Variants in MYOC observed in about 807,000 individuals in gnomAD.
The protein encoded by MYOC is myocilin.
MYOC carries 29 observed loss-of-function variants against 28.2 expected under a neutral mutation model. The observed-to-expected ratio is 1.03, with a 90% CI of 0.77 to 1.40. The LOEUF is 1.40. Ranked by LOEUF, MYOC falls within the 40% of genes most tolerant of loss-of-function variation. The pLI, the probability that MYOC is intolerant of heterozygous loss-of-function variation, is 0.00. For missense variants in MYOC, 569 were observed against 620.6 expected (o/e 0.92, Z 0.88); for synonymous variants, 240 against 245.6 (o/e 0.98, Z 0.21).
intron 1 of MYOC, among the ~76,000 whole-genome samples, chr1:171,641,122 G>C (rs552670111): frequency 1.7e-4 from 26 of 152,132 alleles, no homozygotes; most frequent in Non-Finnish European, 3.1e-4. Flanking sequence ...GATGATAATC[G>C]GGGAGGCTGT....
chr1:171,636,247 T>C lies in MYOC; in HGVS notation c.1193A>G (p.Lys398Arg), dbSNP rs56314834. Residue 398 changes from lysine to arginine, a missense_variant, in exon 3 of 3, where the codon AAA (lysine) becomes AGA (arginine). By Grantham distance (26) the Lys-to-Arg change is conservative. Coordinates refer to ENST00000037502, the MANE Select transcript of MYOC (RefSeq NM_000261.2). ...LWVIYSTDEA[K>R]GAIVLSKLNP... Reference sequence around the variant, plus strand: ...CAGTTTGGAGAGGACAATGGCACCTTTGGCCTCATCGGTGCTGTAAATGAC... The same window carrying C: ...CAGTTTGGAGAGGACAATGGCACCTCTGGCCTCATCGGTGCTGTAAATGAC... 5.9e-3 allele frequency: 9,456 copies of C among 1,614,158 alleles called. 38 individuals are homozygous for C. The highest frequency in any genetic ancestry group is 7.4e-3 in the Non-Finnish European group (8,732 of 1,180,024).
chr1:171,644,981 T>C (rs1653166546), intron 1 of MYOC, among the ~76,000 whole-genome samples: 1 of 152,176 alleles, frequency 6.6e-6, no homozygotes, highest in Non-Finnish European at 1.5e-5. Flanking sequence ...TTCCATCCTG[T>C]GCTGAGGAGG....
intron 1 of MYOC, among the ~76,000 whole-genome samples, chr1:171,651,335 A>T (rs235916): frequency 6.9e-6 from 1 of 145,972 alleles, no homozygotes; most frequent in African/African-American, 2.5e-5. Context: ...CCAACACCTC[A>T]CCCCCGCACC....
At chr1:171,644,649 T>C (rs1252419475) in intron 1 of MYOC, among the ~76,000 whole-genome samples, 1 of 151,416 alleles carries the variant, frequency 6.6e-6, no homozygotes, top group Admixed American at 6.6e-5. Context: ...TTTCAAGTAA[T>C]TTTTATGTAA....
chr1:171,637,452 G>A (rs1652953657), intron 2 of MYOC, among the ~76,000 whole-genome samples: 1 of 151,874 alleles, frequency 6.6e-6, no homozygotes, highest in Admixed American at 6.6e-5. Context: ...CTGCAGCCTC[G>A]ACCTTCCAGG....
intron 1 of MYOC, among the ~76,000 whole-genome samples, chr1:171,640,141 T>C (rs1572212472): frequency 1.3e-5 from 2 of 152,058 alleles, no homozygotes; most frequent in East Asian, 3.9e-4. Context: ...CCTTGTTATA[T>C]GCAAATATTC....
In MYOC at chr1:171,636,387, G is replaced by A. The variant is rs202003673; in HGVS notation, c.1053C>T (p.Thr351=). The change falls in exon 3 of 3, where the codon ACC becomes ACT. Residue 351 remains threonine, a synonymous_variant. Coordinates refer to ENST00000037502, the MANE Select transcript of MYOC (RefSeq NM_000261.2). ...SRTVIRYELN[T]ETVKAEKEIP... is the part of the protein sequence containing the mutation. The stretch of plus-strand genomic sequence containing the variant: ...TTTCCTTCTCAGCCTTCACTGTCTC[G>A]GTATTCAGCTCATATCTTATGACAG... 1.6e-4 allele frequency: 259 copies of A among 1,613,954 alleles called. 1 individual carries two copies. The highest frequency in any genetic ancestry group is 9.9e-4 in the Middle Eastern group (6 of 6,062).
chr1:171,652,157 A>G lies in MYOC; in HGVS notation c.455T>C (p.Leu152Pro), dbSNP rs199705804. Residue 152 changes from leucine (L) to proline (P), a missense_variant, in exon 1 of 3, where the codon CTG becomes CCG. Coordinates refer to ENST00000037502, the MANE Select transcript of MYOC (RefSeq NM_000261.2). ...CCTTAGTCGCTTCTTCTCTTCCTCC[A>G]GAACTGACTTGTCTCGGAGGAGGTT... The part of the protein sequence containing the change: ...YSNLLRDKSV[L>P]EEEKKRLRQE... The G allele has an allele frequency of 5.3e-5, 86 of 1,613,382 alleles. No homozygotes were observed. The highest frequency in any genetic ancestry group is 7.2e-5 in the Non-Finnish European group (85 of 1,179,830).
chr1:171,640,335 T>C (rs1445967758), intron 1 of MYOC, among the ~76,000 whole-genome samples: 1 of 152,074 alleles, frequency 6.6e-6, no homozygotes, highest in Non-Finnish European at 1.5e-5. Flanking sequence ...CAGTAAGTGA[T>C]CATGGTGTGC....
In MYOC at chr1:171,652,090, G is replaced by T; in HGVS notation, c.522C>A (p.Ser174Arg). The change falls in exon 1 of 3, where the codon AGC (serine) becomes AGA (arginine). Residue 174 changes from serine to arginine, a missense_variant. Transcript: ENST00000037502. ...ENLARRLESS[S>R]QEVARLRRGQ... ...CCCTTCTCAGCCTTGCTACCTCCTG[G>T]CTGCTGCTTTCCAACCTCCTGGCCA... 1 of 1,614,122 alleles carries T rather than the reference G, an allele frequency of 6.2e-7. No homozygotes were observed. Among genetic ancestry groups the T allele is most frequent in the Non-Finnish European group, 8.5e-7 (1 of 1,180,024 alleles).
intron 1 of MYOC, among the ~76,000 whole-genome samples, chr1:171,639,261 G>A (rs1252463067): frequency 6.6e-6 from 1 of 152,174 alleles, no homozygotes; most frequent in Non-Finnish European, 1.5e-5. Flanking sequence ...GGAGTTCATT[G>A]TAGTCTCTCT....
At chr1:171,638,417 C>T (rs1652977550) in intron 2 of MYOC, among the ~76,000 whole-genome samples, 180 bp downstream of exon 2, 1 of 152,188 alleles carries the variant, frequency 6.6e-6, no homozygotes, top group African/African-American at 2.4e-5. Flanking sequence ...CAGACCTGCT[C>T]TGACAAGGGA....
chr1:171,639,663 A>AAAAAAAC (rs1397421632), intron 1 of MYOC, among the ~76,000 whole-genome samples: 1 of 150,858 alleles, frequency 6.6e-6, no homozygotes, highest in Non-Finnish European at 1.5e-5. Context: ...AAAAAAAAAA[A>AAAAAAAC]AAAAGAGACC....
At position 171,636,311 on chromosome 1, in the gene MYOC, T is replaced by C. The variant is rs1349583775; in HGVS notation, c.1129A>G (p.Thr377Ala). 6 of 1,613,928 alleles carry C rather than the reference T, an allele frequency of 3.7e-6. No homozygotes were observed. In the Admixed American group the frequency reaches 6.7e-5, roughly 18 times the overall value. ...TCATCCACAGCCAAGTCAATGTCCGTGTAGCCACCCCAAGAATACGGGAAC... is the reference window on the plus strand; with the variant it reads ...TCATCCACAGCCAAGTCAATGTCCGCGTAGCCACCCCAAGAATACGGGAAC... ...GQFPYSWGGY[T>A]DIDLAVDEAG... Residue 377 changes from threonine (T) to alanine (A), a missense_variant, in exon 3 of 3, where the codon ACG (threonine) becomes GCG (alanine). Thr to Ala is a moderately conservative substitution (Grantham distance 58). Transcript: ENST00000037502.
intron 1 of MYOC, among the ~76,000 whole-genome samples, chr1:171,651,349 C>G (rs112934803): frequency 2.1e-4 from 31 of 149,006 alleles, no homozygotes; most frequent in Non-Finnish European, 3.6e-4. Context: ...CCGCACCCCC[C>G]CCACACACAC....
intron 1 of MYOC, among the ~76,000 whole-genome samples, chr1:171,651,530 T>C (rs1653352758): frequency 6.6e-6 from 1 of 152,194 alleles, no homozygotes; most frequent in African/African-American, 2.4e-5. Context: ...TGCCATCTCT[T>C]TATTTTGCCA....
intron 1 of MYOC, among the ~76,000 whole-genome samples, chr1:171,650,299 C>T (rs1419446654): frequency 6.6e-6 from 1 of 152,106 alleles, no homozygotes; most frequent in Admixed American, 6.5e-5. Context: ...TGCCTCATCA[C>T]ACTTCTGGTA....
chr1:171,637,599 T>C (rs7545646), intron 2 of MYOC, among the ~76,000 whole-genome samples: 18,863 of 151,680 alleles, frequency 0.12, 1,252 homozygotes, highest in Middle Eastern at 0.28. Context: ...GTTACCAGAA[T>C]CACAACAGAT....
intron 2 of MYOC, among the ~76,000 whole-genome samples, chr1:171,637,849 G>GT (rs545488945): frequency 2.0e-3 from 298 of 152,228 alleles, no homozygotes; most frequent in Middle Eastern, 6.8e-3. Context: ...CTGACCTCAA[G>GT]TGATCCGCCC....
Sources: gnomAD v4.1 joint callset for allele counts (sites outside exome capture counted in the v4.1 genomes callset) on GRCh38, gnomAD v4.1.1 for gene constraint, MANE v1.5 for transcripts, NCBI Gene and HGNC (gene_info 2026-07-23, HGNC 2026-07-21) for gene names.